Variants in PIGG observed in about 807,000 individuals in gnomAD.
The protein encoded by PIGG is GPI ethanolamine phosphate transferase 2, catalytic subunit.
PIGG carries 70 observed loss-of-function variants against 83.2 expected under a neutral mutation model. That is an observed-to-expected ratio of 0.84 (90% CI 0.69 to 1.03). The LOEUF is 1.03. Among genes scored for constraint, PIGG ranks in the 50% least tolerant of loss-of-function variants. The pLI is 0.00. For missense variants in PIGG, 1,257 were observed against 1,233.6 expected, an observed-to-expected ratio of 1.02 and a Z score of -0.28; for synonymous variants, 532 against 519.5, an observed-to-expected ratio of 1.02 and a Z score of -0.33.
chr4:515,876 A>G lies in PIGG; in HGVS notation c.902-97A>G. The G allele has an allele frequency of 1.1e-6, 1 of 904,194 alleles. No homozygotes were observed. The highest frequency in any genetic ancestry group is 1.8e-6 in the Non-Finnish European group (1 of 546,654). 56.0% of individuals were successfully genotyped at this position (904,194 alleles called of 1,614,324 possible). A position where few individuals can be genotyped will look rare whatever the true frequency, so the allele number is the denominator to read the frequency against. On this transcript the variant is annotated intron_variant, in intron 5 of 12. Transcript: ENST00000453061. The surrounding 1 kb of genome is among the most constrained non-coding windows in gnomAD (Gnocchi z 4.2). The stretch of plus-strand genomic sequence containing the variant: ...GTTGAGTGGTGTGAAGAGACGGATC[A>G]TTTGGCTCATGTTAGTTGTAGAAGG...
chr4:516,064 A>G lies in PIGG; in HGVS notation c.993A>G (p.Val331=). 1 of 1,614,102 alleles carries G rather than the reference A, an allele frequency of 6.2e-7. No homozygotes were observed. The highest frequency in any genetic ancestry group is 8.5e-7 in the Non-Finnish European group (1 of 1,179,892). ...ALGLPIPKDS[V]GSLLFPVVEG... ...GCTTACCGATTCCAAAAGACAGTGT[A>G]GGGAGCCTCCTATTCCCAGTTGTGG... Residue 331 remains valine (V), a synonymous_variant, in exon 6 of 13, where the codon GTA becomes GTG. Coordinates refer to ENST00000453061, the MANE Select transcript of PIGG (RefSeq NM_001127178.3).
At position 518,513 on chromosome 4, in the gene PIGG, A is replaced by C. The variant is rs537058045; in HGVS notation, c.1114+2328A>C. On this transcript the variant is annotated intron_variant, in intron 6 of 12. Coordinates refer to ENST00000453061, the MANE Select transcript of PIGG (RefSeq NM_001127178.3). The stretch of plus-strand genomic sequence containing the variant: ...GAGGCTGAGGCAGGAGAATGGTGTG[A>C]ACCCGGGAGGCGGAGCTTGCAGTGA... Among the ~76,000 whole-genome samples, 4 of 152,314 alleles carry C rather than the reference A, an allele frequency of 2.6e-5. No individual in the cohort carries two copies. In the East Asian group the frequency reaches 7.7e-4, roughly 29 times the overall value.
Position 508,933 on chromosome 4 carries a change from T to G in PIGG, c.864T>G (p.Pro288=), listed in dbSNP as rs145528951. 1 of 1,613,772 alleles carries G rather than the reference T, an allele frequency of 6.2e-7. No homozygotes were observed. The highest frequency in any genetic ancestry group is 1.3e-5 in the African/African-American group (1 of 74,918). The change falls in exon 5 of 13, where the codon CCT becomes CCG. Residue 288 remains proline, a synonymous_variant. Coordinates refer to ENST00000453061, the MANE Select transcript of PIGG (RefSeq NM_001127178.3). ...CCTCCACCGAGGAGGTGAATACACC[T>G]CTGATTTTAATCAGTTCTGCGTTTG... ...GASSTEEVNT[P]LILISSAFER...
chr4:521,485 A>T (rs1267001499), intron 7 of PIGG, among the ~76,000 whole-genome samples, 175 bp from the exon 8 acceptor site: 1 of 151,754 alleles, frequency 6.6e-6, no homozygotes, highest in African/African-American at 2.4e-5. Flanking sequence ...TGCAGGTGAT[A>T]AAAAAAAATC....
Position 508,969 on chromosome 4 carries a change from C to G in PIGG, c.900C>G (p.Pro300=). The change falls in exon 5 of 13, where the codon CCC becomes CCG. Residue 300 remains proline (P), a splice_region_variant and synonymous_variant. Coordinates refer to ENST00000453061, the MANE Select transcript of PIGG (RefSeq NM_001127178.3). Reference sequence around the variant, plus strand: ...TCAGTTCTGCGTTTGAAAGGAAACCCGGTGAGAATTTAGGAATGTTAACAG... The same window carrying G: ...TCAGTTCTGCGTTTGAAAGGAAACCGGGTGAGAATTTAGGAATGTTAACAG... ...ILISSAFERK[P]GDIRHPKHVQ... 1 of 1,608,922 alleles carries G rather than the reference C, an allele frequency of 6.2e-7. No homozygotes were observed. The highest frequency in any genetic ancestry group is 8.5e-7 in the Non-Finnish European group (1 of 1,177,062).
At chr4:531,283 G>A in intron 11 of PIGG, 1 of 167,856 alleles carries the variant, frequency 6.0e-6, no homozygotes, top group Non-Finnish European at 1.3e-5. Context: ...CAGCCTCCCG[G>A]CAACCTCAGG....
At chr4:537,313 G>C (rs528920578) in intron 12 of PIGG, 1 of 151,986 alleles carries the variant, frequency 6.6e-6, no homozygotes, top group Non-Finnish European at 1.5e-5. Flanking sequence ...CCCCTGCAGC[G>C]CAAATGGCTC....
rs761747312 is a variant in PIGG at position 528,697 on chromosome 4, A to G, written c.2261+1467A>G. 8 of 985,248 alleles carry G rather than the reference A, an allele frequency of 8.1e-6. No homozygotes were observed. Among genetic ancestry groups the G allele is most frequent in the Non-Finnish European group, 9.6e-6 (8 of 829,876 alleles). The allele number at this position is 985,248 out of a possible 1,614,324, so 61.0% of individuals were successfully genotyped here. A position where few individuals can be genotyped will look rare whatever the true frequency, so the allele number is the denominator to read the frequency against. ...CGGGTGTGTGTTTAAGGTGCAGCGT[A>G]TGAATAAATTCATTTCCTCACAGAT... is the stretch of plus-strand genomic sequence containing the variant. On this transcript the variant is annotated intron_variant, in intron 10 of 12. Coordinates refer to ENST00000453061, the MANE Select transcript of PIGG (RefSeq NM_001127178.3). The surrounding 1 kb of genome is among the most constrained non-coding windows in gnomAD (Gnocchi z 4.8).
chr4:505,459 CAAAAAAA>C (rs35308755), intron 2 of PIGG, among the ~76,000 whole-genome samples: 65 of 45,032 alleles, frequency 1.4e-3, no homozygotes, highest in South Asian at 2.3e-3. Context: ...CTGTATCTAC[CAAAAAAA>C]AAAAAAAAAA....
chr4:516,294 C>G, intron 6 of PIGG, 109 bp downstream of exon 6: 1 of 712,692 alleles, frequency 1.4e-6, no homozygotes, highest in South Asian at 1.6e-5. Context: ...AGTATTTTTT[C>G]ATCACTACTC....
chr4:535,012 ACT>A (rs879303216), intron 12 of PIGG, among the ~76,000 whole-genome samples: 4 of 152,130 alleles, frequency 2.6e-5, no homozygotes, highest in Non-Finnish European at 5.9e-5. Context: ...ACCGCCGCAC[ACT>A]CTCTGCTTCC....
At chr4:507,755 C>T (rs538285172) in intron 4 of PIGG, among the ~76,000 whole-genome samples, 162 bp downstream of exon 4, 1 of 152,372 alleles carries the variant, frequency 6.6e-6, no homozygotes, top group African/African-American at 2.4e-5. Context: ...TCTCAGTGTC[C>T]ACTGCACTGA....
rs1723448938 is a variant in PIGG, at chr4:515,280, C to T, written c.902-693C>T. On this transcript the variant is annotated intron_variant, in intron 5 of 12. Transcript: ENST00000453061. This position sits in a 1 kb window ranked among gnomAD's most constrained non-coding sequence, Gnocchi z 4.2. ...ACTTCGACCAAGTTGAGTTTCTGCT[C>T]CGAAATCATAGTGGATGGTGGCAGA... Among the ~76,000 whole-genome samples, 1 of 152,226 alleles carries T rather than the reference C, an allele frequency of 6.6e-6. No individual in the cohort carries two copies. The highest frequency in any genetic ancestry group is 6.5e-5 in the Admixed American group (1 of 15,280).
chr4:500,143 C>G, intron 1 of PIGG: 1 of 487,060 alleles, frequency 2.1e-6, no homozygotes, highest in Non-Finnish European at 3.7e-6. Flanking sequence ...AGGGATTCTC[C>G]TACCCCAGTA....
rs116772777 is a variant in PIGG, at chr4:505,779, C to T, written c.422C>T (p.Ala141Val). The change falls in exon 3 of 13, where the codon GCA becomes GTA. Residue 141 changes from alanine to valine, a missense_variant. Physicochemically the swap from Ala to Val is moderately conservative, Grantham distance 64. Transcript: ENST00000453061. ...GTCATCAGGAACCTCAATTCTCCTG[C>T]ACTGCTGGAAGACAGTGTGATAAGA... Reference protein sequence around the residue: ...VDVIRNLNSPALLEDSVIRQA... With the variant: ...VDVIRNLNSPVLLEDSVIRQA... 3.6e-4 allele frequency: 580 copies of T among 1,613,554 alleles called. 2 individuals carry two copies. In the African/African-American group the frequency reaches 7.1e-3, roughly 20 times the overall value.
At chr4:509,482 C>T (rs748659774) in intron 5 of PIGG, among the ~76,000 whole-genome samples, 7 of 152,206 alleles carry the variant, frequency 4.6e-5, no homozygotes, top group Non-Finnish European at 1.0e-4. Context: ...TCTGCCCTCG[C>T]GGCCGCCGGC....
rs782367632 is a variant in PIGG at position 507,386 on chromosome 4, G to A, written c.571-19G>A. 17 of 1,586,494 alleles carry A rather than the reference G, an allele frequency of 1.1e-5. No individual in the cohort carries two copies. The highest frequency in any genetic ancestry group is 7.9e-5 in the South Asian group (7 of 88,770). On this transcript the variant is annotated intron_variant, in intron 3 of 12. Transcript: ENST00000453061. ...GGGAAATTAGGTGAGTTGTTTATACGTGTGTTTCCCCTTCAAAGGTGGATA... is the reference window on the plus strand; with the variant it reads ...GGGAAATTAGGTGAGTTGTTTATACATGTGTTTCCCCTTCAAAGGTGGATA...
At position 530,462 on chromosome 4, in the gene PIGG, A is replaced by G; in HGVS notation, c.2288A>G (p.Tyr763Cys). 1.1e-5 allele frequency: 17 copies of G among 1,613,446 alleles called. No homozygotes were observed. Among genetic ancestry groups the G allele is most frequent in the Non-Finnish European group, 1.4e-5 (17 of 1,179,514 alleles). The change falls in exon 11 of 13, where the codon TAT becomes TGT. Residue 763 changes from tyrosine (Y) to cysteine (C), a missense_variant. By Grantham distance (194) the Tyr-to-Cys change is radical. Coordinates refer to ENST00000453061, the MANE Select transcript of PIGG (RefSeq NM_001127178.3). The part of the protein sequence containing the change: ...SKGIIEARFV[Y>C]VFVLGILFTG... ...GGTATTATTGAAGCTCGTTTTGTTT[A>G]TGTCTTTGTCCTTGGCATTCTGTTC...
Position 530,790 on chromosome 4 carries a change from ATATT to A in PIGG, c.2571+51_2571+54del, listed in dbSNP as rs771229823. 1.7e-5 allele frequency: 22 copies of A among 1,286,828 alleles called. No homozygotes were observed. The East Asian group carries it at 5.1e-4, about 30-fold the overall frequency. 79.7% of individuals were successfully genotyped at this position (1,286,828 alleles called of 1,614,324 possible). A position where few individuals can be genotyped will look rare whatever the true frequency, so the allele number is the denominator to read the frequency against. On this transcript the variant is annotated intron_variant, in intron 11 of 12. Transcript: ENST00000453061. Reference sequence around the variant, plus strand: ...ATGGGTAGTAGACTTCATGTTTTACATATTTATTTTAAATTTTTCTTTGAGAAAA... The same window carrying A: ...ATGGGTAGTAGACTTCATGTTTTACATATTTTAAATTTTTCTTTGAGAAAA...
Sources: gnomAD v4.1 joint callset for allele counts (sites outside exome capture counted in the v4.1 genomes callset) on GRCh38, gnomAD v4.1.1 for gene constraint, Gnocchi (gnomAD v3.1) non-coding constraint, MANE v1.5 for transcripts, NCBI Gene and HGNC (gene_info 2026-07-23, HGNC 2026-07-21) for gene names.